CHCHD3: variants seen among roughly 807,000 people sequenced by gnomAD.
CHCHD3 encodes the protein coiled-coil-helix-coiled-coil-helix domain containing 3.
Under a neutral mutation model 38.2 loss-of-function variants are expected in CHCHD3, and 20 were observed. The observed-to-expected ratio is 0.52, with a 90% CI of 0.37 to 0.76. CHCHD3 has a LOEUF of 0.76. Ranked by LOEUF, CHCHD3 falls within the 30% of genes least tolerant of loss-of-function variation. The pLI is 0.00. For synonymous variants in CHCHD3, 82 were observed against 100.0 expected (o/e 0.82, Z 1.07); for missense variants, 245 against 279.2 (o/e 0.88, Z 0.87).
intron 4 of CHCHD3, among the ~76,000 whole-genome samples, chr7:132,925,234 A>T (rs904218703): frequency 2.0e-5 from 3 of 151,868 alleles, no homozygotes; most frequent in Admixed American, 6.6e-5. Flanking sequence ...CTCTTATTTT[A>T]AAAAAAAGAA....
chr7:132,911,179 T>A (rs955522731), intron 4 of CHCHD3, among the ~76,000 whole-genome samples: 1 of 151,872 alleles, frequency 6.6e-6, no homozygotes, highest in Non-Finnish European at 1.5e-5. Context: ...AATGAACACA[T>A]CAACACTAAA....
At chr7:132,897,783 C>G (rs536824098) in intron 4 of CHCHD3, among the ~76,000 whole-genome samples, 2 of 152,204 alleles carry the variant, frequency 1.3e-5, no homozygotes, top group African/African-American at 2.4e-5. Context: ...CACCTGTATA[C>G]TATGTCGGTT....
chr7:133,064,056 C>T (rs1814599462), intron 2 of CHCHD3, among the ~76,000 whole-genome samples: 1 of 152,228 alleles, frequency 6.6e-6, no homozygotes, highest in Non-Finnish European at 1.5e-5. Flanking sequence ...TACATTCTAT[C>T]TCACTCACAT....
At chr7:132,978,413 T>C (rs1811827968) in intron 3 of CHCHD3, among the ~76,000 whole-genome samples, 1 of 152,174 alleles carries the variant, frequency 6.6e-6, no homozygotes, top group African/African-American at 2.4e-5. Context: ...CTCTTGTCCA[T>C]AGCTCCATAA....
rs200211748 is a variant in CHCHD3, at chr7:132,963,821, G to C, written c.369+11348C>G. 1.9e-4 allele frequency among the ~76,000 whole-genome samples: 29 copies of C among 152,116 alleles called. No individual in the cohort carries two copies. The East Asian group carries it at 5.6e-3, about 29-fold the overall frequency. On this transcript the variant is annotated intron_variant, in intron 4 of 7. Coordinates refer to ENST00000262570, the MANE Select transcript of CHCHD3 (RefSeq NM_017812.4). ...ATTCTATCAGAGCTATGAGAAAAGA[G>C]CTTATTTTTTGGAAATAAACTAATT...
At position 132,885,707 on chromosome 7, in the gene CHCHD3, C is replaced by A; in HGVS notation, c.408G>T (p.Lys136Asn). Residue 136 changes from lysine to asparagine, a missense_variant, in exon 5 of 8, where the codon AAG (lysine) becomes AAT (asparagine). Physicochemically the swap from Lys to Asn is moderately conservative, Grantham distance 94 (BLOSUM62 0). Transcript: ENST00000262570. ...QLEEKDRVLKKQDAFYKEQLA... is the reference protein window; with the variant it reads ...QLEEKDRVLKNQDAFYKEQLA... ...GCTGTTCTTTGTAGAATGCATCCTG[C>A]TTCTTTAGCACTCGGTCTTTCTCTT... The A allele has an allele frequency of 6.2e-7, 1 of 1,609,222 alleles. No individual in the cohort carries two copies. The highest frequency in any genetic ancestry group is 8.5e-7 in the Non-Finnish European group (1 of 1,178,388).
chr7:133,055,879 A>T (rs1025269722), intron 2 of CHCHD3, among the ~76,000 whole-genome samples: 9 of 152,088 alleles, frequency 5.9e-5, no homozygotes, highest in African/African-American at 2.2e-4. Flanking sequence ...GCAGTGGCTC[A>T]CACCTGTAAT....
intron 4 of CHCHD3, among the ~76,000 whole-genome samples, chr7:132,934,264 A>C (rs150339557): frequency 6.6e-6 from 1 of 152,206 alleles, no homozygotes; most frequent in Non-Finnish European, 1.5e-5. Context: ...CTACTGCTCT[A>C]CACACCGCAT....
intron 2 of CHCHD3, among the ~76,000 whole-genome samples, chr7:133,030,491 A>G (rs1813469821): frequency 6.6e-6 from 1 of 152,346 alleles, no homozygotes; most frequent in Non-Finnish European, 1.5e-5. Flanking sequence ...GTTTCCAAGC[A>G]AATCTTTGGG....
intron 2 of CHCHD3, among the ~76,000 whole-genome samples, chr7:133,037,174 G>C (rs1357313444): frequency 6.6e-6 from 1 of 152,136 alleles, no homozygotes; most frequent in Non-Finnish European, 1.5e-5. Context: ...AATTGATGTT[G>C]ATCAAGCATT....
chr7:133,056,793 A>T (rs1013644232), intron 2 of CHCHD3, among the ~76,000 whole-genome samples: 1 of 152,194 alleles, frequency 6.6e-6, no homozygotes, highest in Non-Finnish European at 1.5e-5. Context: ...GCACCTGTAT[A>T]TTTTCTCATT....
intron 1 of CHCHD3, among the ~76,000 whole-genome samples, chr7:133,077,767 G>A (rs2117554474): frequency 1.3e-5 from 2 of 152,318 alleles, no homozygotes; most frequent in Middle Eastern, 6.8e-3. Flanking sequence ...AGGCAAAAGA[G>A]TGACCTCTCA....
At chr7:133,063,615 G>A (rs1814583710) in intron 2 of CHCHD3, among the ~76,000 whole-genome samples, 1 of 151,990 alleles carries the variant, frequency 6.6e-6, no homozygotes, top group African/African-American at 2.4e-5. Flanking sequence ...GTACTATGGT[G>A]GAAAATACAT....
At chr7:132,896,904 T>C (rs879277667) in intron 4 of CHCHD3, among the ~76,000 whole-genome samples, 2 of 152,190 alleles carry the variant, frequency 1.3e-5, no homozygotes, top group African/African-American at 2.4e-5. Flanking sequence ...AAAGAGGCCA[T>C]ATTCTATAAA....
At chr7:132,872,548 T>G (rs1490673363) in intron 5 of CHCHD3, among the ~76,000 whole-genome samples, 1 of 152,238 alleles carries the variant, frequency 6.6e-6, no homozygotes, top group East Asian at 1.9e-4. Context: ...CCTTTACAAT[T>G]TCCTTACTTT....
At chr7:132,815,552 C>A (rs946207977) in intron 6 of CHCHD3, 5 of 456,296 alleles carry the variant, frequency 1.1e-5, no homozygotes, top group Non-Finnish European at 2.2e-5. Context: ...GTAACGAGTT[C>A]TCCTACTAGG....
At chr7:132,947,843 A>G (rs1465352645) in intron 4 of CHCHD3, among the ~76,000 whole-genome samples, 1 of 152,066 alleles carries the variant, frequency 6.6e-6, no homozygotes, top group Non-Finnish European at 1.5e-5. Context: ...TTAAACATTA[A>G]ATGAAATTTG....
intron 4 of CHCHD3, among the ~76,000 whole-genome samples, chr7:132,942,026 T>C (rs934059322): frequency 6.6e-6 from 1 of 152,174 alleles, no homozygotes; most frequent in Non-Finnish European, 1.5e-5. Context: ...CAAAGGAATA[T>C]ATTCAGAAAG....
chr7:132,934,178 T>C (rs1264750632), intron 4 of CHCHD3, among the ~76,000 whole-genome samples: 2 of 152,224 alleles, frequency 1.3e-5, no homozygotes, highest in African/African-American at 4.8e-5. Context: ...TCTTGTTAAA[T>C]TGCAGATTCT....
Sources: allele counts gnomAD v4.1 joint callset (sites outside exome capture counted in the v4.1 genomes callset), GRCh38; gene constraint gnomAD v4.1.1; transcripts MANE v1.5; gene names NCBI Gene and HGNC (gene_info 2026-07-23, HGNC 2026-07-21).